The following SOS1 variants were observed in gnomAD, a reference collection of about 807,000 sequenced individuals.
The protein encoded by SOS1 is SOS Ras/Rac guanine nucleotide exchange factor 1.
A neutral mutation model predicts 157.6 loss-of-function variants in SOS1; 25 were observed. The observed-to-expected ratio is 0.16, with a 90% CI of 0.12 to 0.22. The LOEUF is 0.22. Among genes scored for constraint, SOS1 ranks in the 10% least tolerant of loss-of-function variants. SOS1 has a pLI of 1.00. For synonymous variants in SOS1, 528 were observed against 534.0 expected, an observed-to-expected ratio of 0.99 and a Z score of 0.16; for missense variants, 1,237 against 1,599.1, an observed-to-expected ratio of 0.77 and a Z score of 3.86.
intron 1 of SOS1, among the ~76,000 whole-genome samples, chr2:39,069,407 C>A (rs1468795966): frequency 6.6e-6 from 1 of 151,740 alleles, no homozygotes; most frequent in Non-Finnish European, 1.5e-5. Context: ...TAGTATCCTA[C>A]ATAATAATTT....
intron 8 of SOS1, among the ~76,000 whole-genome samples, chr2:39,024,551 T>A (rs1572831923): frequency 1.3e-5 from 2 of 152,098 alleles, no homozygotes; most frequent in East Asian, 3.9e-4. Context: ...TATATAATAT[T>A]GAGATGATAA....
intron 1 of SOS1, among the ~76,000 whole-genome samples, chr2:39,078,512 CCAGG>C (rs1349070265): frequency 3.0e-5 from 1 of 33,898 alleles, no homozygotes; most frequent in Non-Finnish European, 6.0e-5. Flanking sequence ...CCATTAGGAA[CCAGG>C]CCACAGAGCA....
intron 1 of SOS1, among the ~76,000 whole-genome samples, chr2:39,087,762 C>G (rs1672431039): frequency 6.6e-6 from 1 of 152,088 alleles, no homozygotes; most frequent in African/African-American, 2.4e-5. Context: ...TTTGCCTCCC[C>G]TCTCCTCCCA....
intron 10 of SOS1, among the ~76,000 whole-genome samples, chr2:39,021,015 CACTTA>C (rs971969805): frequency 2.0e-5 from 3 of 151,530 alleles, no homozygotes; most frequent in African/African-American, 4.8e-5. Context: ...ATTTTCAATA[CACTTA>C]ACTTTGGCAA....
Position 39,054,788 on chromosome 2 carries a change from A to G in SOS1, c.546T>C (p.Asp182=), listed in dbSNP as rs1303245422. 2 of 1,545,322 alleles carry G rather than the reference A, an allele frequency of 1.3e-6. No individual in the cohort carries two copies. The highest frequency in any genetic ancestry group is 2.2e-5 in the South Asian group (2 of 89,476). The change falls in exon 5 of 23, where the codon GAT becomes GAC. Residue 182 remains aspartate, a synonymous_variant. Coordinates refer to ENST00000402219, the MANE Select transcript of SOS1 (RefSeq NM_005633.4). ...CGTCAGTTAAAGATAATATATTAAT[A>G]TCTTCTACATCTTGATGAAACATAT... is the stretch of plus-strand genomic sequence containing the variant. ...LMDMFHQDVE[D]INILSLTDEE...
chr2:39,064,742 A>ATTTTTTTTTTTT lies in SOS1; in HGVS notation c.213+2874_213+2885dup, dbSNP rs4015841. On this transcript the variant is annotated intron_variant, in intron 2 of 22. Transcript: ENST00000402219. ...TCAGATTGATCTATTTTTAAAATAC[A>ATTTTTTTTTTTT]TTTTTTTTTTTTTTTTTTTTTTTGG... Among the ~76,000 whole-genome samples the ATTTTTTTTTTTT allele has an allele frequency of 2.8e-4, 21 of 74,826 alleles. 1 individual carries two copies. Among genetic ancestry groups the ATTTTTTTTTTTT allele is most frequent in the Admixed American group, 4.6e-4 (2 of 4,352 alleles). The allele number at this position is 74,826 out of a possible 152,430, so 49.1% of individuals were successfully genotyped here.
Position 39,010,719 on chromosome 2 carries a change from C to T in SOS1, c.2391-16G>A. 3 of 1,593,778 alleles carry T rather than the reference C, an allele frequency of 1.9e-6. No homozygotes were observed. Among genetic ancestry groups the T allele is most frequent in the Non-Finnish European group, 2.6e-6 (3 of 1,162,082 alleles). The stretch of plus-strand genomic sequence containing the variant: ...CTGTACAGCTCTAAAATCATCAATA[C>T]ATAATTCTACATGACACTTTTTTCT... On this transcript the variant is annotated splice_polypyrimidine_tract_variant and intron_variant, in intron 14 of 22. Coordinates refer to ENST00000402219, the MANE Select transcript of SOS1 (RefSeq NM_005633.4).
At chr2:39,019,858 T>C (rs1669741844) in intron 10 of SOS1, among the ~76,000 whole-genome samples, 2 of 151,636 alleles carry the variant, frequency 1.3e-5, no homozygotes, top group South Asian at 4.1e-4. Context: ...TTACTGACAA[T>C]ATCTTCATAG....
intron 22 of SOS1, 68 bp downstream of exon 22, chr2:38,987,405 T>G: frequency 2.5e-6 from 2 of 810,124 alleles, no homozygotes; most frequent in African/African-American, 3.3e-5. Context: ...AGAACTAAAC[T>G]AGACAGCCGT....
intron 10 of SOS1, 105 bp downstream of exon 10, chr2:39,022,465 T>G (rs1011213239): frequency 9.4e-6 from 8 of 853,356 alleles, no homozygotes; most frequent in Non-Finnish European, 1.4e-5. Flanking sequence ...AAGAGGTCTT[T>G]GGTTGTTAGT....
intron 8 of SOS1, chr2:39,034,795 C>T (rs1572840749): frequency 2.2e-6 from 1 of 456,922 alleles, no homozygotes; most frequent in African/African-American, 2.0e-5. Flanking sequence ...TTGGCCTTAT[C>T]CTCACACTGG....
At chr2:39,115,020 A>T (rs1387381450) in intron 1 of SOS1, among the ~76,000 whole-genome samples, 4 of 151,810 alleles carry the variant, frequency 2.6e-5, no homozygotes, top group Non-Finnish European at 4.4e-5. Context: ...CTCCCTATAC[A>T]CTATTTCCCA....
intron 3 of SOS1, among the ~76,000 whole-genome samples, chr2:39,057,230 C>CGTAA (rs1213278504): frequency 6.6e-6 from 1 of 151,968 alleles, no homozygotes; most frequent in Non-Finnish European, 1.5e-5. Context: ...TTTTCTTTTA[C>CGTAA]AAAAAATGAG....
At chr2:39,008,377 C>T (rs980468978) in intron 15 of SOS1, among the ~76,000 whole-genome samples, 1 of 152,136 alleles carries the variant, frequency 6.6e-6, no homozygotes, top group African/African-American at 2.4e-5. Flanking sequence ...GAAAAGCTTG[C>T]CATTGTTGCC....
At chr2:39,090,201 T>A (rs1479151052) in intron 1 of SOS1, among the ~76,000 whole-genome samples, 6 of 145,018 alleles carry the variant, frequency 4.1e-5, no homozygotes, top group African/African-American at 1.3e-4. Flanking sequence ...AAATAGCAAA[T>A]AATTCATCTT....
intron 6 of SOS1, among the ~76,000 whole-genome samples, chr2:39,050,073 T>C (rs1453905587): frequency 6.6e-6 from 1 of 152,216 alleles, no homozygotes; most frequent in African/African-American, 2.4e-5. Context: ...TTATACTTTA[T>C]TACTTATGTG....
Position 39,067,763 on chromosome 2 carries a change from A to G in SOS1, c.88-10T>C. 6.2e-7 allele frequency: 1 copy of G among 1,610,580 alleles called. No homozygotes were observed. Among genetic ancestry groups the G allele is most frequent in the Non-Finnish European group, 8.5e-7 (1 of 1,176,884 alleles). ...GAACTTGCCCCTGGACCTATAAACAAAAAGCAAAGTAATTAAAATGTGGGT... is the reference window on the plus strand; with the variant it reads ...GAACTTGCCCCTGGACCTATAAACAGAAAGCAAAGTAATTAAAATGTGGGT... On this transcript the variant is annotated splice_polypyrimidine_tract_variant and intron_variant, in intron 1 of 22. Coordinates refer to ENST00000402219, the MANE Select transcript of SOS1 (RefSeq NM_005633.4).
In SOS1 at chr2:38,995,181, G is replaced by A; in HGVS notation, c.3288C>T (p.Ser1096=). The change falls in exon 20 of 23, where the codon TCC becomes TCT. Residue 1096 remains serine (S), a synonymous_variant. Coordinates refer to ENST00000402219, the MANE Select transcript of SOS1 (RefSeq NM_005633.4). ...PLTPPPASGA[S]STTDVCSVFD... is the part of the protein sequence containing the mutation. The stretch of plus-strand genomic sequence containing the variant: ...ATACACTGCAAACATCTGTGGTACT[G>A]GAAGCACCAGAAGCAGGCGGAGGTG... The A allele has an allele frequency of 1.9e-6, 3 of 1,613,854 alleles. No individual in the cohort carries two copies. The highest frequency in any genetic ancestry group is 2.5e-6 in the Non-Finnish European group (3 of 1,179,756).
At chr2:39,099,268 C>T (rs912157204) in intron 1 of SOS1, among the ~76,000 whole-genome samples, 32 of 152,108 alleles carry the variant, frequency 2.1e-4, no homozygotes, top group African/African-American at 7.0e-4. Context: ...ACTATTTAGT[C>T]GTAGAAATGA....
Sources: gnomAD v4.1 joint callset for allele counts (sites outside exome capture counted in the v4.1 genomes callset) on GRCh38, gnomAD v4.1.1 for gene constraint, MANE v1.5 for transcripts, NCBI Gene and HGNC (gene_info 2026-07-23, HGNC 2026-07-21) for gene names.